Variants in JAKMIP3 observed in about 807,000 individuals in gnomAD.
The protein encoded by JAKMIP3 is janus kinase and microtubule-interacting protein 3.
In JAKMIP3, 58 loss-of-function variants were observed where a neutral mutation model predicts 118.5. The ratio of observed to expected loss-of-function variants is 0.49; its 90% CI spans 0.40 to 0.61. The LOEUF is 0.61. Ranked by LOEUF, JAKMIP3 falls within the 20% of genes least tolerant of loss-of-function variation. The probability of loss-of-function intolerance (pLI) is 0.00; values close to 1 mark genes in which losing one functional copy is unlikely to be tolerated. For missense variants in JAKMIP3, 950 were observed against 1,109.0 expected (o/e 0.86, Z 2.04); for synonymous variants, 486 against 451.2 (o/e 1.08, Z -0.98).
At chr10:132,054,877 A>G (rs2038196595) in intron 1 of JAKMIP3, among the ~76,000 whole-genome samples, 1 of 151,708 alleles carries the variant, frequency 6.6e-6, no homozygotes, top group Non-Finnish European at 1.5e-5. Context: ...GCACTCCTAC[A>G]CCGAGGACCC....
chr10:132,173,356 C>T (rs934402325), intron 23 of JAKMIP3, among the ~76,000 whole-genome samples: 1 of 150,792 alleles, frequency 6.6e-6, no homozygotes, highest in African/African-American at 2.4e-5. Context: ...GTAGCAGATA[C>T]TTGGCGCTTG....
chr10:132,073,158 A>C (rs2134027147), intron 1 of JAKMIP3, among the ~76,000 whole-genome samples: 1 of 152,090 alleles, frequency 6.6e-6, no homozygotes, highest in Admixed American at 6.5e-5. Context: ...CCAATCCTCC[A>C]CTGATGGACA....
chr10:132,122,444 C>A (rs765539989), intron 3 of JAKMIP3, among the ~76,000 whole-genome samples: 1 of 152,272 alleles, frequency 6.6e-6, no homozygotes, highest in Non-Finnish European at 1.5e-5. Flanking sequence ...GCCCACTGGG[C>A]ACCTCAGTTA....
At chr10:132,062,867 G>A (rs1360002428), upstream of JAKMIP3, among the ~76,000 whole-genome samples, 1 of 152,214 alleles carries the variant, frequency 6.6e-6, no homozygotes, top group African/African-American at 2.4e-5. Context: ...GCGCAGGCCT[G>A]TCTGGGAAGG....
intron 23 of JAKMIP3, among the ~76,000 whole-genome samples, chr10:132,169,353 A>C (rs2059243748): frequency 6.6e-6 from 1 of 152,152 alleles, no homozygotes; most frequent in Admixed American, 6.5e-5. Flanking sequence ...AGGTGCAATG[A>C]GGCCGCTCTC....
chr10:132,140,337 T>G, intron 9 of JAKMIP3, 114 bp from the exon 10 acceptor site: 6 of 1,381,262 alleles, frequency 4.3e-6, no homozygotes, highest in South Asian at 1.3e-5. Flanking sequence ...GAGATGGGAG[T>G]GTGTCGCAGG....
chr10:132,094,506 G>A lies in JAKMIP3; in HGVS notation c.-137-10166G>A, dbSNP rs961120156. ...TATGGATGTGGCTTCCAGAGAGGTG[G>A]GCTGTAGTGATTGTTATCTCTCTTC... On this transcript the variant is annotated intron_variant, in intron 1 of 23. Coordinates refer to ENST00000684848, the MANE Select transcript of JAKMIP3 (RefSeq NM_001323087.2). Among the ~76,000 whole-genome samples, 9 of 152,100 alleles carry A rather than the reference G, an allele frequency of 5.9e-5. 1 individual carries two copies. Among genetic ancestry groups the A allele is most frequent in the Admixed American group, 5.9e-4 (9 of 15,278 alleles).
intron 1 of JAKMIP3, among the ~76,000 whole-genome samples, chr10:132,082,724 C>G (rs1327718300): frequency 6.6e-6 from 1 of 152,116 alleles, no homozygotes; most frequent in East Asian, 1.9e-4. Context: ...GATTCTCCTG[C>G]CTCAGCCTCC....
chr10:132,039,768 C>T (rs971442374), intron 1 of JAKMIP3, among the ~76,000 whole-genome samples: 2 of 152,212 alleles, frequency 1.3e-5, no homozygotes, highest in Non-Finnish European at 2.9e-5. Context: ...CTGGCCTCCT[C>T]TCTCGGCCTC....
chr10:132,172,584 T>C (rs2059603698), intron 23 of JAKMIP3, among the ~76,000 whole-genome samples: 1 of 151,966 alleles, frequency 6.6e-6, no homozygotes, highest in South Asian at 2.1e-4. Flanking sequence ...TTTCTTTGCT[T>C]ATGTATCGCA....
At chr10:132,093,931 A>ATTTTTTTTTTTTTT (rs35838926) in intron 1 of JAKMIP3, among the ~76,000 whole-genome samples, 3 of 103,624 alleles carry the variant, frequency 2.9e-5, no homozygotes, top group African/African-American at 4.1e-5. Flanking sequence ...TCTTGTATCT[A>ATTTTTTTTTTTTTT]TTTTTTTTTT....
rs375429968 is a variant in JAKMIP3 at position 132,117,311 on chromosome 10, C to G, written c.370C>G (p.Arg124Gly). 1.2e-6 allele frequency: 2 copies of G among 1,613,810 alleles called. No homozygotes were observed. The highest frequency in any genetic ancestry group is 1.7e-5 in the Admixed American group (1 of 59,998). The change falls in exon 3 of 24, where the codon CGT (arginine) becomes GGT (glycine). Residue 124 changes from arginine to glycine, a missense_variant. Coordinates refer to ENST00000684848, the MANE Select transcript of JAKMIP3 (RefSeq NM_001323087.2). This position sits in a 1 kb window ranked among gnomAD's most constrained non-coding sequence, Gnocchi z 8.6. Reference protein sequence around the residue: ...QRLQALLSALRDGGPEKVKTV... With the variant: ...QRLQALLSALGDGGPEKVKTV... ...GCTGCAGGCACTGCTCAGTGCCCTG[C>G]GTGATGGCGGCCCCGAAAAGGTCAA... is the stretch of plus-strand genomic sequence containing the variant.
At position 132,117,686 on chromosome 10, in the gene JAKMIP3, G is replaced by A. The variant is rs1379033037; in HGVS notation, c.633+112G>A. The A allele has an allele frequency of 3.3e-6, 4 of 1,195,224 alleles. No homozygotes were observed. Among genetic ancestry groups the A allele is most frequent in the Admixed American group, 3.8e-5 (1 of 26,374 alleles). 74.0% of individuals were successfully genotyped at this position (1,195,224 alleles called of 1,614,324 possible). A position where few individuals can be genotyped will look rare whatever the true frequency, so the allele number is the denominator to read the frequency against. ...AGGCGTGGGCTCGGGGAGCACGCGG[G>A]CAGCACCGGCTTCACCCCCCATGAC... On this transcript the variant is annotated intron_variant, in intron 3 of 23. Transcript: ENST00000684848. The surrounding 1 kb of genome is among the most constrained non-coding windows in gnomAD (Gnocchi z 8.6).
In JAKMIP3 at chr10:132,168,613, G is replaced by A. The variant is rs1206929343; in HGVS notation, c.*683G>A. ...AGCCGTGGCCGCCGCGGGCCGCGTG[G>A]TGCCATCAACCCTCTGCCTCCCTAC... On this transcript the variant is annotated 3_prime_UTR_variant, in exon 23 of 24. Coordinates refer to ENST00000684848, the MANE Select transcript of JAKMIP3 (RefSeq NM_001323087.2). 5.7e-6 allele frequency: 2 copies of A among 353,738 alleles called. No homozygotes were observed. Among genetic ancestry groups the A allele is most frequent in the East Asian group, 1.6e-4 (2 of 12,310 alleles). The allele number at this position is 353,738 out of a possible 1,614,324, so 21.9% of individuals were successfully genotyped here.
At chr10:132,146,243 TA>T (rs1264300988) in intron 13 of JAKMIP3, among the ~76,000 whole-genome samples, 8 of 151,234 alleles carry the variant, frequency 5.3e-5, no homozygotes, top group African/African-American at 1.9e-4. Flanking sequence ...TCAGTGGCCT[TA>T]GCTTCTGCCT....
At chr10:132,133,227 A>G in intron 3 of JAKMIP3, 85 bp from the exon 4 acceptor site, 1 of 1,189,270 alleles carries the variant, frequency 8.4e-7, no homozygotes, top group Non-Finnish European at 1.2e-6. Context: ...CAGAGCCCAG[A>G]GCCTGGCAGG....
chr10:132,046,346 C>T (rs2037915828), intron 1 of JAKMIP3, among the ~76,000 whole-genome samples: 1 of 152,074 alleles, frequency 6.6e-6, no homozygotes, highest in African/African-American at 2.4e-5. Context: ...GTCCCAGCTG[C>T]TGGGGAGGCT....
chr10:132,159,298 G>T (rs568450732), intron 19 of JAKMIP3, among the ~76,000 whole-genome samples: 9 of 117,764 alleles, frequency 7.6e-5, no homozygotes, highest in South Asian at 3.2e-4. Context: ...TGCTGGGGGC[G>T]CCTCTCCCTG....
intron 1 of JAKMIP3, among the ~76,000 whole-genome samples, chr10:132,103,470 AGC>A (rs2045401056): frequency 2.1e-5 from 1 of 47,824 alleles, no homozygotes; most frequent in African/African-American, 1.3e-4. Flanking sequence ...GGGGAGGAGC[AGC>A]TGGAGGGGAA....
Sources: gnomAD v4.1 joint callset for allele counts (sites outside exome capture counted in the v4.1 genomes callset) on GRCh38, gnomAD v4.1.1 for gene constraint, Gnocchi (gnomAD v3.1) non-coding constraint, MANE v1.5 for transcripts, NCBI Gene and HGNC (gene_info 2026-07-23, HGNC 2026-07-21) for gene names.